ANO7: variants seen among roughly 807,000 people sequenced by gnomAD.
ANO7 encodes anoctamin-7.
ANO7 carries 114 observed loss-of-function variants against 115.8 expected under a neutral mutation model. The ratio of observed to expected loss-of-function variants is 0.98; its 90% CI spans 0.85 to 1.15. ANO7 has a LOEUF of 1.15. ANO7 is among the 50% of genes most tolerant of loss of function. The pLI is 0.00. For missense variants in ANO7, 1,302 were observed against 1,201.2 expected, an observed-to-expected ratio of 1.08 and a Z score of -1.24; for synonymous variants, 550 against 498.2, an observed-to-expected ratio of 1.10 and a Z score of -1.38.
chr2:241,195,865 G>C lies in ANO7; in HGVS notation c.309+20G>C. 1 of 1,614,138 alleles carries C rather than the reference G, an allele frequency of 6.2e-7. No individual in the cohort carries two copies. Among genetic ancestry groups the C allele is most frequent in the Non-Finnish European group, 8.5e-7 (1 of 1,180,028 alleles). ...GACCAGGTACGTGGAGGCTGTCATG[G>C]GCAGGGCCCTAGGCCCTGCATCCAC... On this transcript the variant is annotated intron_variant, in intron 4 of 24. Coordinates refer to ENST00000674324, the MANE Select transcript of ANO7 (RefSeq NM_001370694.2).
intron 2 of ANO7, 27 bp from the exon 3 acceptor site, chr2:241,191,167 T>G (rs571163721): frequency 1.2e-6 from 2 of 1,613,612 alleles, no homozygotes; most frequent in South Asian, 2.2e-5. Context: ...GATGCTGATA[T>G]GCTTCTCCAT....
Position 241,210,530 on chromosome 2 carries a change from C to G in ANO7, c.1521C>G (p.Ser507=). 1 of 1,614,030 alleles carries G rather than the reference C, an allele frequency of 6.2e-7. No individual in the cohort carries two copies. Among genetic ancestry groups the G allele is most frequent in the Non-Finnish European group, 8.5e-7 (1 of 1,180,014 alleles). ...ACCTCGTCTTCATCCTCATCCTCTC[C>G]AAGATCTATGTATCCCTGGCCCACG... ...VVNLVFILIL[S]KIYVSLAHVL... The change falls in exon 15 of 25, where the codon TCC becomes TCG. Residue 507 remains serine, a synonymous_variant. Coordinates refer to ENST00000674324, the MANE Select transcript of ANO7 (RefSeq NM_001370694.2).
At chr2:241,217,582 G>A in intron 19 of ANO7, 104 bp from the exon 20 acceptor site, 1 of 1,294,780 alleles carries the variant, frequency 7.7e-7, no homozygotes. Context: ...AGCCGCGATG[G>A]GGTGGCGGCA....
intron 11 of ANO7, among the ~76,000 whole-genome samples, chr2:241,208,104 T>TGGGTCTGTCCACCTTCCC (rs1251453903): frequency 1.3e-5 from 2 of 152,214 alleles, no homozygotes; most frequent in Non-Finnish European, 2.9e-5. Flanking sequence ...GCATGCTTCC[T>TGGGTCTGTCCACCTTCCC]GGGTCTGTCC....
At chr2:241,229,522 G>A (rs116424429), downstream of ANO7, 2,501 of 1,051,196 alleles carry the variant, frequency 2.4e-3, 29 homozygotes, top group African/African-American at 0.033. Context: ...GGGTCCAGCC[G>A]CTGGGTCAGA....
intron 3 of ANO7, among the ~76,000 whole-genome samples, chr2:241,193,021 A>G (rs1046182695): frequency 2.6e-5 from 4 of 152,018 alleles, no homozygotes; most frequent in African/African-American, 2.4e-5. Flanking sequence ...TGACCTGTAC[A>G]CTTAAATGTG....
chr2:241,224,572 GT>G lies in ANO7; in HGVS notation c.*421del, dbSNP rs2069113164. On this transcript the variant is annotated 3_prime_UTR_variant, in exon 25 of 25. Coordinates refer to ENST00000674324, the MANE Select transcript of ANO7 (RefSeq NM_001370694.2). ...TTCGAATGTTTCAGAGCGCAGGGCC[GT>G]TCTCCCTCGTGTCCTCTGGACCCAC... is the stretch of plus-strand genomic sequence containing the variant. The G allele has an allele frequency of 4.9e-6, 1 of 205,778 alleles. No individual in the cohort carries two copies. Among genetic ancestry groups the G allele is most frequent in the African/African-American group, 2.3e-5 (1 of 42,988 alleles). The allele number at this position is 205,778 out of a possible 1,614,324, so 12.7% of individuals were successfully genotyped here.
At chr2:241,190,921 G>C (rs1360281169) in intron 2 of ANO7, among the ~76,000 whole-genome samples, 1 of 152,220 alleles carries the variant, frequency 6.6e-6, no homozygotes, top group Non-Finnish European at 1.5e-5. Context: ...GCCCAAGGAG[G>C]AGGGGAGCCG....
chr2:241,215,847 G>A (rs764181382), intron 18 of ANO7, among the ~76,000 whole-genome samples: 14 of 152,148 alleles, frequency 9.2e-5, no homozygotes, highest in African/African-American at 1.4e-4. Flanking sequence ...GGAACAATGC[G>A]GGGGGCTGGG....
At position 241,216,206 on chromosome 2, in the gene ANO7, G is replaced by A; in HGVS notation, c.1940G>A (p.Cys647Tyr). ...PWEDDYELVP[C>Y]EGLFDEYLEM... Reference sequence around the variant, plus strand: ...GAGGACGACTATGAGCTTGTGCCCTGTGAGGGTCTGTTTGACGAGTACCTG... The same window carrying A: ...GAGGACGACTATGAGCTTGTGCCCTATGAGGGTCTGTTTGACGAGTACCTG... Residue 647 changes from cysteine to tyrosine, a missense_variant, in exon 19 of 25, where the codon TGT becomes TAT. Transcript: ENST00000674324. 4 of 1,610,974 alleles carry A rather than the reference G, an allele frequency of 2.5e-6. No individual in the cohort carries two copies. The highest frequency in any genetic ancestry group is 2.5e-6 in the Non-Finnish European group (3 of 1,179,046).
Position 241,203,325 on chromosome 2 carries a change from G to A in ANO7, c.724-8G>A, listed in dbSNP as rs534107746. 83 of 1,514,258 alleles carry A rather than the reference G, an allele frequency of 5.5e-5. No individual in the cohort carries two copies. In the East Asian group the frequency reaches 6.3e-4, roughly 12 times the overall value. 93.8% of individuals were successfully genotyped at this position (1,514,258 alleles called of 1,614,324 possible). On this transcript the variant is annotated splice_region_variant and splice_polypyrimidine_tract_variant and intron_variant, in intron 8 of 24. Transcript: ENST00000674324. The surrounding 1 kb of genome is among the most constrained non-coding windows in gnomAD (Gnocchi z 4.8). Reference sequence around the variant, plus strand: ...GGAGCCTCCCACCCACAGGCCGCTCGCCCCCAGGGCCCCTTCAAGACGCCC... The same window carrying A: ...GGAGCCTCCCACCCACAGGCCGCTCACCCCCAGGGCCCCTTCAAGACGCCC...
At chr2:241,199,267 C>G in intron 4 of ANO7, 49 bp from the exon 5 acceptor site, 5 of 1,463,148 alleles carry the variant, frequency 3.4e-6, no homozygotes, top group Non-Finnish European at 4.8e-6. Flanking sequence ...CATGTGCATA[C>G]GTGCACACAT....
chr2:241,222,411 G>A (rs767200169), intron 21 of ANO7, among the ~76,000 whole-genome samples: 1 of 151,772 alleles, frequency 6.6e-6, no homozygotes, highest in African/African-American at 2.4e-5. Flanking sequence ...CTCCCACTGG[G>A]CTGTGGCCTG....
At chr2:241,195,673 G>A (rs761021559) in intron 3 of ANO7, 30 bp from the exon 4 acceptor site, 3 of 1,608,154 alleles carry the variant, frequency 1.9e-6, no homozygotes, top group East Asian at 2.2e-5. Flanking sequence ...ACTTAGCCAG[G>A]CTCCTGCCTC....
chr2:241,210,837 T>C (rs547482939), intron 15 of ANO7, among the ~76,000 whole-genome samples: 4 of 148,754 alleles, frequency 2.7e-5, no homozygotes, highest in Admixed American at 6.7e-5. Flanking sequence ...AGCTGAAATT[T>C]TTTTTTTTTT....
chr2:241,212,546 G>C, intron 16 of ANO7, 26 bp from the exon 17 acceptor site: 1 of 1,610,018 alleles, frequency 6.2e-7, no homozygotes, highest in Non-Finnish European at 8.5e-7. Flanking sequence ...ATCCCATCAA[G>C]GCTCATGATC....
chr2:241,218,629 G>T (rs1233746512), intron 21 of ANO7, among the ~76,000 whole-genome samples: 1 of 152,258 alleles, frequency 6.6e-6, no homozygotes, highest in Non-Finnish European at 1.5e-5. Flanking sequence ...GTTGGTCATA[G>T]TGTAGCAGGA....
chr2:241,240,262 A>G, the ANO7 span: 7,381 of 768,302 alleles, frequency 9.6e-3, 120 homozygotes, highest in African/African-American at 0.059. The surrounding 1 kb of genome is among the most constrained non-coding windows in gnomAD (Gnocchi z 5.5). Flanking sequence ...CAATACCCCC[A>G]AAATGGGGCT....
Position 241,210,390 on chromosome 2 carries a change from C to T in ANO7, c.1455C>T (p.Ala485=), listed in dbSNP as rs764419634. ...GGTCGGGCAACACCCTTCTCGCAGC[C>T]TGGGTGAGCCTCTGCTGCCTGCCTC... ...VSRSGNTLLA[A]WASRIASLTG... is the part of the protein sequence containing the mutation. The change falls in exon 14 of 25, where the codon GCC becomes GCT. Residue 485 remains alanine (A), a synonymous_variant. Coordinates refer to ENST00000674324, the MANE Select transcript of ANO7 (RefSeq NM_001370694.2). 4 of 1,613,896 alleles carry T rather than the reference C, an allele frequency of 2.5e-6. No homozygotes were observed. Among genetic ancestry groups the T allele is most frequent in the African/African-American group, 2.7e-5 (2 of 74,948 alleles).
Sources: allele counts gnomAD v4.1 joint callset (sites outside exome capture counted in the v4.1 genomes callset), GRCh38; gene constraint gnomAD v4.1.1; non-coding constraint Gnocchi (gnomAD v3.1); transcripts MANE v1.5; gene names NCBI Gene and HGNC (gene_info 2026-07-23, HGNC 2026-07-21).